Variants in BRD3 observed in about 807,000 individuals in gnomAD.
BRD3 encodes bromodomain-containing protein 3.
In BRD3, 17 loss-of-function variants were observed where a neutral mutation model predicts 66.8. The ratio of observed to expected loss-of-function variants is 0.25; its 90% CI spans 0.17 to 0.38. The LOEUF is 0.38. Among genes scored for constraint, BRD3 ranks in the 10% least tolerant of loss-of-function variants. The pLI is 1.00. For synonymous variants in BRD3, 421 were observed against 393.2 expected (o/e 1.07, Z -0.84); for missense variants, 713 against 956.1 (o/e 0.75, Z 3.35).
chr9:134,060,785 T>C (rs1345301949), intron 1 of BRD3, among the ~76,000 whole-genome samples: 4 of 152,164 alleles, frequency 2.6e-5, no homozygotes, highest in Non-Finnish European at 4.4e-5. Context: ...GCCCGAATCC[T>C]ACCTATCCTC....
At chr9:134,068,109 G>A (rs1230703566), upstream of BRD3, 4 of 142,716 alleles carry the variant, frequency 2.8e-5, no homozygotes, top group South Asian at 4.3e-4. Context: ...GCCCGCGCCG[G>A]GGCCGCCCAG....
chr9:134,031,091 T>A lies in BRD3; in HGVS notation c.*2499A>T, dbSNP rs935160242. ...GTGTTGAAGTCTGGACAGAAAGCCT[T>A]AAAAAAGTGACAGCACCAATGCAGC... On this transcript the variant is annotated 3_prime_UTR_variant, in exon 12 of 12. Transcript: ENST00000303407. 4.4e-6 allele frequency: 1 copy of A among 229,140 alleles called. No homozygotes were observed. Among genetic ancestry groups the A allele is most frequent in the Non-Finnish European group, 8.7e-6 (1 of 115,606 alleles). The allele number at this position is 229,140 out of a possible 1,614,324, so 14.2% of individuals were successfully genotyped here.
intron 5 of BRD3, among the ~76,000 whole-genome samples, chr9:134,049,681 G>A (rs1439302334): frequency 6.6e-6 from 1 of 152,232 alleles, no homozygotes; most frequent in Non-Finnish European, 1.5e-5. Flanking sequence ...TTTACCTTGG[G>A]CGAGCCATTT....
At chr9:134,041,646 G>C (rs1456695998) in intron 8 of BRD3, 114 bp downstream of exon 8, 1 of 1,332,468 alleles carries the variant, frequency 7.5e-7, no homozygotes, top group Non-Finnish European at 1.0e-6. Flanking sequence ...CACTACCGCG[G>C]CTGCTGAGGG....
chr9:134,033,735 C>T lies in BRD3; in HGVS notation c.2066-30G>A, dbSNP rs1282494761. On this transcript the variant is annotated intron_variant, in intron 11 of 11. Coordinates refer to ENST00000303407, the MANE Select transcript of BRD3 (RefSeq NM_007371.4). This position sits in a 1 kb window ranked among gnomAD's most constrained non-coding sequence, Gnocchi z 5.1. ...GGAGACATGGGCAGGGAGATGCGCT[C>T]GCACACCCGCTTCTTGACCCGCTTG... The T allele has an allele frequency of 4.3e-6, 3 of 700,428 alleles. No homozygotes were observed. The highest frequency in any genetic ancestry group is 7.9e-6 in the Non-Finnish European group (3 of 381,222). The allele number at this position is 700,428 out of a possible 1,614,324, so 43.4% of individuals were successfully genotyped here. A position where few individuals can be genotyped will look rare whatever the true frequency, so the allele number is the denominator to read the frequency against.
At chr9:134,036,614 A>G (rs747162873) in intron 9 of BRD3, 363 of 1,548,290 alleles carry the variant, frequency 2.3e-4, no homozygotes, top group Non-Finnish European at 3.1e-4. Flanking sequence ...AATCCAAAAG[A>G]AGGCAAAAAA....
chr9:134,064,226 T>A (rs933970542), intron 1 of BRD3, among the ~76,000 whole-genome samples: 4 of 152,128 alleles, frequency 2.6e-5, no homozygotes, highest in Non-Finnish European at 5.9e-5. Flanking sequence ...AAGTGACACT[T>A]TCTCTTTAAA....
chr9:134,038,329 T>C (rs979477537), intron 9 of BRD3, among the ~76,000 whole-genome samples: 3 of 152,168 alleles, frequency 2.0e-5, no homozygotes, highest in Non-Finnish European at 2.9e-5. Flanking sequence ...CAATTTTTTC[T>C]GTTCTTAGTA....
chr9:134,041,734 C>G (rs774680211), intron 8 of BRD3, 26 bp downstream of exon 8: 2 of 1,603,986 alleles, frequency 1.2e-6, no homozygotes, highest in South Asian at 1.1e-5. Flanking sequence ...AGCCCCTGAA[C>G]CCCACCCAAG....
At chr9:134,042,138 T>C (rs1830062496) in intron 7 of BRD3, among the ~76,000 whole-genome samples, 187 bp from the exon 8 acceptor site, 1 of 151,244 alleles carries the variant, frequency 6.6e-6, no homozygotes, top group Non-Finnish European at 1.5e-5. Context: ...CCACCCTCCC[T>C]CCCCAGGCAA....
chr9:134,060,475 C>T (rs1235092809), intron 1 of BRD3, among the ~76,000 whole-genome samples: 1 of 152,054 alleles, frequency 6.6e-6, no homozygotes, highest in Non-Finnish European at 1.5e-5. Context: ...ACCTAGAATC[C>T]CAGCTATTCA....
At chr9:134,040,512 CAGCACT>C (rs1830021725) in intron 8 of BRD3, among the ~76,000 whole-genome samples, 1 of 152,142 alleles carries the variant, frequency 6.6e-6, no homozygotes, top group South Asian at 2.1e-4. Flanking sequence ...GCCACAGGCT[CAGCACT>C]GCGCGGGTGG....
chr9:134,043,106 TG>T (rs1290874644), intron 7 of BRD3, among the ~76,000 whole-genome samples: 3 of 152,184 alleles, frequency 2.0e-5, no homozygotes, highest in Non-Finnish European at 4.4e-5. Flanking sequence ...CCTAAAGTGC[TG>T]GGATTATAGA....
chr9:134,047,479 C>A (rs1830197664), intron 6 of BRD3, among the ~76,000 whole-genome samples: 9 of 152,190 alleles, frequency 5.9e-5, no homozygotes, highest in Admixed American at 5.9e-4. Flanking sequence ...CCACCACCCC[C>A]CATAGGGACC....
chr9:134,034,185 A>G (rs1843562258), intron 11 of BRD3, among the ~76,000 whole-genome samples: 1 of 152,068 alleles, frequency 6.6e-6, no homozygotes, highest in Non-Finnish European at 1.5e-5. Flanking sequence ...TCCCCCCCAT[A>G]TGTGTGTCCT....
intron 7 of BRD3, among the ~76,000 whole-genome samples, chr9:134,042,835 T>G (rs1021415909): frequency 2.0e-5 from 3 of 151,864 alleles, no homozygotes; most frequent in Non-Finnish European, 2.9e-5. Context: ...AAGTTTTACT[T>G]TTACTAATTT....
chr9:134,042,710 T>TACACATATATACACATATATATAC (rs1232211812), intron 7 of BRD3, among the ~76,000 whole-genome samples: 18 of 88,788 alleles, frequency 2.0e-4, no homozygotes, highest in African/African-American at 4.7e-4. Flanking sequence ...CACATATATA[T>TACACATATATACACATATATATAC]ACACATATAT....
chr9:134,049,177 A>T (rs1212994892), intron 5 of BRD3, among the ~76,000 whole-genome samples: 2 of 152,126 alleles, frequency 1.3e-5, no homozygotes, highest in African/African-American at 4.8e-5. Flanking sequence ...CACCAGGCAG[A>T]CGCGCATGTT....
intron 1 of BRD3, among the ~76,000 whole-genome samples, chr9:134,067,592 C>T (rs1353897124): frequency 6.8e-6 from 1 of 146,424 alleles, no homozygotes; most frequent in Admixed American, 6.8e-5. Context: ...GCGCGGAGGC[C>T]GGGCTGGCGC....
Sources: gnomAD v4.1 joint callset for allele counts (sites outside exome capture counted in the v4.1 genomes callset) on GRCh38, gnomAD v4.1.1 for gene constraint, Gnocchi (gnomAD v3.1) non-coding constraint, MANE v1.5 for transcripts, NCBI Gene and HGNC (gene_info 2026-07-23, HGNC 2026-07-21) for gene names.